ACACA: variants seen among roughly 807,000 people sequenced by gnomAD.
ACACA encodes acetyl-CoA carboxylase alpha.
A neutral mutation model predicts 296.1 loss-of-function variants in ACACA; 103 were observed. The observed-to-expected ratio is 0.35, with a 90% CI of 0.30 to 0.41. The LOEUF (loss-of-function observed/expected upper bound fraction) is 0.41. Among genes scored for constraint, ACACA ranks in the 10% least tolerant of loss-of-function variants. ACACA has a pLI of 1.00. For missense variants in ACACA, 1,554 were observed against 2,989.7 expected, an observed-to-expected ratio of 0.52 and a Z score of 11.20; for synonymous variants, 953 against 1,038.6, an observed-to-expected ratio of 0.92 and a Z score of 1.58.
intron 3 of ACACA, among the ~76,000 whole-genome samples, chr17:37,315,444 T>G (rs540435333): frequency 2.6e-5 from 4 of 152,264 alleles, no homozygotes; most frequent in Non-Finnish European, 4.4e-5. Context: ...ACAATTGAAT[T>G]CTTATATTAA....
At chr17:37,264,931 T>C (rs1014316355) in intron 10 of ACACA, among the ~76,000 whole-genome samples, 3 of 152,192 alleles carry the variant, frequency 2.0e-5, no homozygotes, top group African/African-American at 7.2e-5. Context: ...ATCTGGTAGC[T>C]TGAGTGGGGT....
At chr17:37,346,031 T>G (rs534913219) in intron 1 of ACACA, among the ~76,000 whole-genome samples, 1 of 152,156 alleles carries the variant, frequency 6.6e-6, no homozygotes, top group Non-Finnish European at 1.5e-5. Context: ...TGAGCTATAA[T>G]GGAGCCCCTG....
intron 50 of ACACA, among the ~76,000 whole-genome samples, chr17:37,114,667 T>G (rs1277677593): frequency 1.3e-5 from 2 of 152,226 alleles, no homozygotes; most frequent in East Asian, 1.9e-4. Flanking sequence ...TCCCAACTTT[T>G]TATGGACTTC....
intron 1 of ACACA, among the ~76,000 whole-genome samples, chr17:37,354,833 A>G (rs2049060793): frequency 6.6e-6 from 1 of 152,186 alleles, no homozygotes; most frequent in Admixed American, 6.6e-5. Context: ...CCAGAAGGTA[A>G]GGTGGAGGAC....
chr17:37,166,981 G>A (rs527599248), intron 41 of ACACA, among the ~76,000 whole-genome samples: 71 of 152,026 alleles, frequency 4.7e-4, no homozygotes, highest in Non-Finnish European at 7.2e-4. Context: ...GTCTTGCTCC[G>A]TCACCCAGGC....
At chr17:37,120,542 G>T (rs1265028845) in intron 50 of ACACA, among the ~76,000 whole-genome samples, 1 of 152,180 alleles carries the variant, frequency 6.6e-6, no homozygotes, top group African/African-American at 2.4e-5. Flanking sequence ...TGGGATTACA[G>T]GCGTGAGCCA....
intron 41 of ACACA, among the ~76,000 whole-genome samples, chr17:37,172,532 T>G (rs867100177): frequency 1.3e-5 from 2 of 152,138 alleles, no homozygotes; most frequent in South Asian, 4.1e-4. Context: ...AGACAAAGAC[T>G]TGCAGCCAAA....
chr17:37,275,495 C>CAAA (rs34064045), intron 8 of ACACA, among the ~76,000 whole-genome samples: 60 of 61,614 alleles, frequency 9.7e-4, no homozygotes, highest in African/African-American at 2.6e-3. Flanking sequence ...GACTCCAACT[C>CAAA]AAAAAAAAAA....
chr17:37,308,536 G>GA (rs1727169836), intron 3 of ACACA, among the ~76,000 whole-genome samples: 2 of 152,186 alleles, frequency 1.3e-5, no homozygotes, highest in Non-Finnish European at 2.9e-5. Flanking sequence ...TGAAATGTTA[G>GA]AAAAAAATTG....
intron 41 of ACACA, chr17:37,162,629 G>A (rs913707495): frequency 1.4e-5 from 4 of 278,686 alleles, no homozygotes; most frequent in Non-Finnish European, 2.7e-5. Flanking sequence ...AACGCCTTGG[G>A]CACACTACAA....
At chr17:37,321,808 G>A (rs1016654693) in intron 3 of ACACA, among the ~76,000 whole-genome samples, 6 of 151,396 alleles carry the variant, frequency 4.0e-5, no homozygotes, top group Non-Finnish European at 5.9e-5. Flanking sequence ...GCCGGGCATG[G>A]TGGTGCACAC....
At chr17:37,178,850 A>G (rs1401822534) in intron 41 of ACACA, among the ~76,000 whole-genome samples, 1 of 152,130 alleles carries the variant, frequency 6.6e-6, no homozygotes, top group Non-Finnish European at 1.5e-5. Flanking sequence ...ACACATAGAC[A>G]AAAACAGGGA....
intron 1 of ACACA, among the ~76,000 whole-genome samples, chr17:37,389,023 G>T (rs1039620060): frequency 4.6e-5 from 7 of 152,190 alleles, no homozygotes; most frequent in Non-Finnish European, 7.3e-5. Context: ...TAGTTATAAA[G>T]ATTGAGATTC....
chr17:37,185,085 G>A (rs2077473964), intron 39 of ACACA, among the ~76,000 whole-genome samples: 1 of 152,150 alleles, frequency 6.6e-6, no homozygotes, highest in African/African-American at 2.4e-5. Flanking sequence ...ACCTTTGACT[G>A]CAAAGGCGAA....
chr17:37,359,519 C>T (rs1226275412), intron 1 of ACACA, among the ~76,000 whole-genome samples: 1 of 152,114 alleles, frequency 6.6e-6, no homozygotes, highest in African/African-American at 2.4e-5. Flanking sequence ...CCCCTCGGCT[C>T]CTCCTCCTGG....
chr17:37,364,713 G>A (rs1282094758), intron 1 of ACACA, among the ~76,000 whole-genome samples: 1 of 152,170 alleles, frequency 6.6e-6, no homozygotes, highest in Non-Finnish European at 1.5e-5. Context: ...TTTTAGGACA[G>A]AGAATAGAGG....
At chr17:37,243,592 A>G in intron 21 of ACACA, 33 bp from the exon 22 acceptor site, 1 of 1,599,498 alleles carries the variant, frequency 6.3e-7, no homozygotes, top group Non-Finnish European at 8.6e-7. Context: ...ATAGGACCCA[A>G]GTTAACACAA....
chr17:37,174,020 A>ATATATTTTTTTT (rs552735515), intron 41 of ACACA, among the ~76,000 whole-genome samples: 9 of 16,794 alleles, frequency 5.4e-4, no homozygotes, highest in Non-Finnish European at 7.9e-4. Context: ...ATATATATAT[A>ATATATTTTTTTT]TTTTTTTTTT....
chr17:37,265,898 A>G (rs1393185354), intron 10 of ACACA, among the ~76,000 whole-genome samples: 1 of 152,154 alleles, frequency 6.6e-6, no homozygotes, highest in Non-Finnish European at 1.5e-5. Context: ...CTTCCTGCTC[A>G]TTAAAAAGTT....
Sources: gnomAD v4.1 joint callset for allele counts (sites outside exome capture counted in the v4.1 genomes callset) on GRCh38, gnomAD v4.1.1 for gene constraint, MANE v1.5 for transcripts, NCBI Gene and HGNC (gene_info 2026-07-23, HGNC 2026-07-21) for gene names.